The following ZKSCAN1 variants were observed in gnomAD, a reference collection of about 807,000 sequenced individuals.
The protein encoded by ZKSCAN1 is zinc finger with KRAB and SCAN domains 1, also known as zinc finger protein with KRAB and SCAN domains 1.
Under a neutral mutation model 51.6 loss-of-function variants are expected in ZKSCAN1, and 14 were observed. That is an observed-to-expected ratio of 0.27 (90% confidence interval 0.18 to 0.42). The LOEUF (loss-of-function observed/expected upper bound fraction) is 0.42. Among genes scored for constraint, ZKSCAN1 ranks in the 10% least tolerant of loss-of-function variants. The pLI, the probability that ZKSCAN1 is intolerant of heterozygous loss-of-function variation, is 1.00. For missense variants in ZKSCAN1, 531 were observed against 710.0 expected, an observed-to-expected ratio of 0.75 and a Z score of 2.86; for synonymous variants, 263 against 261.5, an observed-to-expected ratio of 1.01 and a Z score of -0.06.
In ZKSCAN1 at chr7:100,040,191, T is replaced by A; in HGVS notation, c.*5994T>A. Reference sequence around the variant, plus strand: ...TTTTGACATCCCACAATACAGAATGTCTTAACATGAGAATTGAATTTCATG... The same window carrying A: ...TTTTGACATCCCACAATACAGAATGACTTAACATGAGAATTGAATTTCATG... On this transcript the variant is annotated 3_prime_UTR_variant, in exon 6 of 6. Transcript: ENST00000324306. 2.0e-6 allele frequency: 2 copies of A among 985,438 alleles called. No homozygotes were observed. Among genetic ancestry groups the A allele is most frequent in the Non-Finnish European group, 2.4e-6 (2 of 829,938 alleles). The allele number at this position is 985,438 out of a possible 1,614,324, so 61.0% of individuals were successfully genotyped here. A position where few individuals can be genotyped will look rare whatever the true frequency, so the allele number is the denominator to read the frequency against.
chr7:100,025,220 C>T (rs1290039918), intron 3 of ZKSCAN1, among the ~76,000 whole-genome samples: 2 of 149,902 alleles, frequency 1.3e-5, no homozygotes, highest in Non-Finnish European at 3.0e-5. Flanking sequence ...CATGAATTAT[C>T]TTCAAAAGGA....
At chr7:100,043,513 A>G (rs1791648994), downstream of ZKSCAN1, among the ~76,000 whole-genome samples, 2 of 151,618 alleles carry the variant, frequency 1.3e-5, no homozygotes. Context: ...AGCTGGGACT[A>G]CAGGCATGCA....
At chr7:100,021,968 T>A (rs1421630883) in intron 1 of ZKSCAN1, among the ~76,000 whole-genome samples, 1 of 151,926 alleles carries the variant, frequency 6.6e-6, no homozygotes, top group Non-Finnish European at 1.5e-5. Context: ...GGTCTCAAAC[T>A]TCTGGCTTCA....
rs1490633359 is a variant in ZKSCAN1, at chr7:100,041,639, G to A, written c.*7442G>A. 3 of 985,198 alleles carry A rather than the reference G, an allele frequency of 3.0e-6. No homozygotes were observed. The African/African-American group carries it at 5.2e-5, about 17-fold the overall frequency. 61.0% of individuals were successfully genotyped at this position (985,198 alleles called of 1,614,324 possible). On this transcript the variant is annotated 3_prime_UTR_variant, in exon 6 of 6. Coordinates refer to ENST00000324306, the MANE Select transcript of ZKSCAN1 (RefSeq NM_003439.4). ...GGATTTGAAATATTCTCTTTATGTT[G>A]TTTCTCTTCTGAGTCATGGTAAAAC...
At chr7:100,015,792 G>C (rs1790332311) in intron 1 of ZKSCAN1, 66 bp downstream of exon 1, 1 of 152,352 alleles carries the variant, frequency 6.6e-6, no homozygotes, top group East Asian at 1.9e-4. Flanking sequence ...GCGAGGGTGG[G>C]CTCCGCAGCT....
Position 100,039,714 on chromosome 7 carries a change from G to A in ZKSCAN1, c.*5517G>A, listed in dbSNP as rs1791513919. 1.2e-5 allele frequency: 12 copies of A among 985,412 alleles called. No homozygotes were observed. The highest frequency in any genetic ancestry group is 1.3e-5 in the Non-Finnish European group (11 of 829,956). 61.0% of individuals were successfully genotyped at this position (985,412 alleles called of 1,614,324 possible). On this transcript the variant is annotated 3_prime_UTR_variant, in exon 6 of 6. Transcript: ENST00000324306. Reference sequence around the variant, plus strand: ...AACAGAACTGAAATACACTTAAACAGTGACAGCAGTACTTCCCAGGGTGGG... The same window carrying A: ...AACAGAACTGAAATACACTTAAACAATGACAGCAGTACTTCCCAGGGTGGG...
Position 100,015,603 on chromosome 7 carries a change from A to C in ZKSCAN1, c.-212A>C, listed in dbSNP as rs1340237154. The C allele has an allele frequency of 6.6e-6, 1 of 152,218 alleles. No individual in the cohort carries two copies. Among genetic ancestry groups the C allele is most frequent in the Non-Finnish European group, 1.5e-5 (1 of 68,064 alleles). 9.4% of individuals were successfully genotyped at this position (152,218 alleles called of 1,614,324 possible). A position where few individuals can be genotyped will look rare whatever the true frequency, so the allele number is the denominator to read the frequency against. On this transcript the variant is annotated 5_prime_UTR_variant, in exon 1 of 6. Transcript: ENST00000324306. ...GACACGCTTCCGGCCTTTGTGACTC[A>C]TTGTGTCTGTGTCGAGGCGTCGGGA...
At position 100,038,036 on chromosome 7, in the gene ZKSCAN1, C is replaced by G. The variant is rs1000630702; in HGVS notation, c.*3839C>G. 11 of 984,274 alleles carry G rather than the reference C, an allele frequency of 1.1e-5. No individual in the cohort carries two copies. The highest frequency in any genetic ancestry group is 1.3e-5 in the Non-Finnish European group (11 of 829,666). 61.0% of individuals were successfully genotyped at this position (984,274 alleles called of 1,614,324 possible). On this transcript the variant is annotated 3_prime_UTR_variant, in exon 6 of 6. Coordinates refer to ENST00000324306, the MANE Select transcript of ZKSCAN1 (RefSeq NM_003439.4). ...GGCTCTGTATCAAAAAAAAAAGTTG[C>G]GGGGGGGTGCTCAATCTTAACTGCA...
intron 5 of ZKSCAN1, among the ~76,000 whole-genome samples, chr7:100,032,783 T>A (rs903145872): frequency 6.6e-6 from 1 of 150,520 alleles, no homozygotes; most frequent in African/African-American, 2.5e-5. Context: ...CCGAGGCGGG[T>A]GGATCACGAG....
Position 100,035,357 on chromosome 7 carries a change from A to C in ZKSCAN1, c.*1160A>C, listed in dbSNP as rs1229340773. The C allele has an allele frequency of 6.6e-6, 1 of 152,176 alleles. No homozygotes were observed. Among genetic ancestry groups the C allele is most frequent in the Non-Finnish European group, 1.5e-5 (1 of 68,024 alleles). The allele number at this position is 152,176 out of a possible 1,614,324, so 9.4% of individuals were successfully genotyped here. On this transcript the variant is annotated 3_prime_UTR_variant, in exon 6 of 6. Transcript: ENST00000324306. ...TCTAAACAGTGAGTAAATACCATGGAATGTCAGAAATGACTTTATCATCGT... is the reference window on the plus strand; with the variant it reads ...TCTAAACAGTGAGTAAATACCATGGCATGTCAGAAATGACTTTATCATCGT...
At chr7:100,024,440 A>G (rs1213620325) in intron 3 of ZKSCAN1, 133 bp downstream of exon 3, 1 of 1,201,748 alleles carries the variant, frequency 8.3e-7, no homozygotes, top group Non-Finnish European at 1.1e-6. Context: ...CAAAAAATAG[A>G]AAAATTAGCC....
downstream of ZKSCAN1, among the ~76,000 whole-genome samples, chr7:100,042,146 C>A (rs941702923): frequency 5.3e-5 from 8 of 152,010 alleles, no homozygotes; most frequent in African/African-American, 1.9e-4. Context: ...TGGTGAAACC[C>A]CCTCTCTACT....
At chr7:100,024,849 G>T (rs187888870) in intron 3 of ZKSCAN1, 1 of 143,038 alleles carries the variant, frequency 7.0e-6, no homozygotes, top group Non-Finnish European at 1.5e-5. Flanking sequence ...GCAGTAAGCC[G>T]AGATCGTACC....
At position 100,040,088 on chromosome 7, in the gene ZKSCAN1, C is replaced by T. The variant is rs575073736; in HGVS notation, c.*5891C>T. 5.4e-6 allele frequency: 5 copies of T among 919,294 alleles called. No homozygotes were observed. In the Admixed American group the frequency reaches 1.9e-4, roughly 34 times the overall value. 56.9% of individuals were successfully genotyped at this position (919,294 alleles called of 1,614,324 possible). On this transcript the variant is annotated 3_prime_UTR_variant, in exon 6 of 6. Transcript: ENST00000324306. Reference sequence around the variant, plus strand: ...AAATTATCTGTTTTACTTTTCAAAGCTTTGTGAAACAAACTTGAAGTTATA... The same window carrying T: ...AAATTATCTGTTTTACTTTTCAAAGTTTTGTGAAACAAACTTGAAGTTATA...
chr7:100,038,553 G>T lies in ZKSCAN1; in HGVS notation c.*4356G>T. On this transcript the variant is annotated 3_prime_UTR_variant, in exon 6 of 6. Coordinates refer to ENST00000324306, the MANE Select transcript of ZKSCAN1 (RefSeq NM_003439.4). Reference sequence around the variant, plus strand: ...TCAGGTGACCACTGTGTGCAAAGGGGATGGATTCTCTTGTCAGTAGACGGT... The same window carrying T: ...TCAGGTGACCACTGTGTGCAAAGGGTATGGATTCTCTTGTCAGTAGACGGT... The T allele has an allele frequency of 3.0e-6, 3 of 985,490 alleles. No individual in the cohort carries two copies. The highest frequency in any genetic ancestry group is 3.6e-6 in the Non-Finnish European group (3 of 829,968). 61.0% of individuals were successfully genotyped at this position (985,490 alleles called of 1,614,324 possible).
At chr7:100,021,942 C>T (rs1790608985) in intron 1 of ZKSCAN1, among the ~76,000 whole-genome samples, 1 of 151,936 alleles carries the variant, frequency 6.6e-6, no homozygotes, top group East Asian at 1.9e-4. Flanking sequence ...CAGGGTCTTG[C>T]TATGTTGCCC....
chr7:100,030,319 G>A lies in ZKSCAN1; in HGVS notation c.743G>A (p.Arg248Gln), dbSNP rs770735755. Residue 248 changes from arginine (R) to glutamine (Q), a missense_variant, in exon 5 of 6, where the codon CGG (arginine) becomes CAG (glutamine). Transcript: ENST00000324306. ...LEEWGCQNLA[R>Q]RNLSRDNRQE... ...GAATGGGGATGTCAGAATCTGGCTC[G>A]GAGGAATCTCAGTAGGGACAACAGG... is the stretch of plus-strand genomic sequence containing the variant. 6.2e-6 allele frequency: 10 copies of A among 1,613,994 alleles called. No homozygotes were observed. Among genetic ancestry groups the A allele is most frequent in the South Asian group, 2.2e-5 (2 of 91,074 alleles).
chr7:100,033,252 C>G lies in ZKSCAN1; in HGVS notation c.800-53C>G. ...CTCGGGAAACTGTCGCTTGACCCAC[C>G]TGTATATTCAAAAGAAAAAGGTGCG... is the stretch of plus-strand genomic sequence containing the variant. On this transcript the variant is annotated intron_variant, in intron 5 of 5. Transcript: ENST00000324306. The surrounding 1 kb of genome is among the most constrained non-coding windows in gnomAD (Gnocchi z 4.1). The G allele has an allele frequency of 6.6e-7, 1 of 1,524,590 alleles. No individual in the cohort carries two copies. Among genetic ancestry groups the G allele is most frequent in the South Asian group, 1.3e-5 (1 of 74,896 alleles). 94.4% of individuals were successfully genotyped at this position (1,524,590 alleles called of 1,614,324 possible).
chr7:100,043,866 C>T (rs886226309), downstream of ZKSCAN1, among the ~76,000 whole-genome samples: 2 of 147,804 alleles, frequency 1.4e-5, no homozygotes, highest in Non-Finnish European at 3.0e-5. Context: ...AACCTCCACC[C>T]CCTGGGTTCA....
Sources: allele counts gnomAD v4.1 joint callset (sites outside exome capture counted in the v4.1 genomes callset), GRCh38; gene constraint gnomAD v4.1.1; non-coding constraint Gnocchi (gnomAD v3.1); transcripts MANE v1.5; gene names NCBI Gene and HGNC (gene_info 2026-07-23, HGNC 2026-07-21).